Variants in MYO1D observed in about 807,000 individuals in gnomAD.
MYO1D encodes myosin ID.
MYO1D carries 83 observed loss-of-function variants against 122.0 expected under a neutral mutation model. That is an observed-to-expected ratio of 0.68 (90% CI 0.57 to 0.82). MYO1D has a LOEUF of 0.82. MYO1D is among the 40% of genes least tolerant of loss of function. The pLI, the probability that MYO1D is intolerant of heterozygous loss-of-function variation, is 0.00. For missense variants in MYO1D, 1,157 were observed against 1,269.5 expected, an observed-to-expected ratio of 0.91 and a Z score of 1.35; for synonymous variants, 464 against 446.9, an observed-to-expected ratio of 1.04 and a Z score of -0.48.
chr17:32,762,597 G>GGT, intron 8 of MYO1D, among the ~76,000 whole-genome samples: 1 of 152,144 alleles, frequency 6.6e-6, no homozygotes, highest in East Asian at 1.9e-4. Flanking sequence ...AAACTTGCCA[G>GGT]GTGCAGTGGC....
chr17:32,778,319 CA>C (rs1301911023), intron 3 of MYO1D, among the ~76,000 whole-genome samples, 160 bp downstream of exon 3: 3 of 152,110 alleles, frequency 2.0e-5, no homozygotes, highest in African/African-American at 7.2e-5. Flanking sequence ...AGTACAGAGA[CA>C]ATATGCACTT....
intron 16 of MYO1D, among the ~76,000 whole-genome samples, chr17:32,709,401 A>T (rs1020070202): frequency 6.6e-6 from 1 of 152,160 alleles, no homozygotes; most frequent in Non-Finnish European, 1.5e-5. Flanking sequence ...TACCAAAAAA[A>T]CCCTAAAAAC....
chr17:32,586,961 T>C (rs1372246783), intron 21 of MYO1D, among the ~76,000 whole-genome samples: 1 of 152,184 alleles, frequency 6.6e-6, no homozygotes, highest in Non-Finnish European at 1.5e-5. Flanking sequence ...TTGATGCTTG[T>C]TCTTCGTTTC....
intron 1 of MYO1D, among the ~76,000 whole-genome samples, chr17:32,859,483 A>G (rs2091052457): frequency 6.6e-6 from 1 of 152,116 alleles, no homozygotes; most frequent in African/African-American, 2.4e-5. Flanking sequence ...TTCCCCTGGG[A>G]TGGATGCCTA....
Position 32,822,079 on chromosome 17 carries a change from G to A in MYO1D, c.96-41295C>T, listed in dbSNP as rs187963919. On this transcript the variant is annotated intron_variant, in intron 1 of 21. Transcript: ENST00000318217. ...GCTATAAAGACACATGCACACATAT[G>A]TTTATTGTGGCACTATTCACAATAG... 1.1e-3 allele frequency among the ~76,000 whole-genome samples: 164 copies of A among 152,270 alleles called. 2 individuals carry two copies. The highest frequency in any genetic ancestry group is 2.6e-3 in the Admixed American group (40 of 15,296).
intron 20 of MYO1D, among the ~76,000 whole-genome samples, chr17:32,631,734 A>G (rs977657387): frequency 1.3e-4 from 20 of 152,162 alleles, no homozygotes; most frequent in Non-Finnish European, 1.5e-5. Context: ...TTAATATTTT[A>G]GATATGAAAA....
chr17:32,597,911 C>T (rs2087517144), intron 21 of MYO1D, among the ~76,000 whole-genome samples: 1 of 146,744 alleles, frequency 6.8e-6, no homozygotes, highest in Non-Finnish European at 1.5e-5. Context: ...GTTTCAACTT[C>T]TTTACACAAA....
chr17:32,520,603 G>C (rs1910100335), intron 21 of MYO1D, among the ~76,000 whole-genome samples: 1 of 152,234 alleles, frequency 6.6e-6, no homozygotes, highest in African/African-American at 2.4e-5. Context: ...TGGGCTGGCA[G>C]GGAGCTGCCT....
intron 1 of MYO1D, among the ~76,000 whole-genome samples, chr17:32,850,798 A>T (rs185405876): frequency 6.6e-6 from 1 of 152,200 alleles, no homozygotes. Context: ...ATGGAGTCTT[A>T]TCAAGGCTTG....
In MYO1D at chr17:32,642,538, C is replaced by T. The variant is rs527298597; in HGVS notation, c.2596-3703G>A. Among the ~76,000 whole-genome samples, 449 of 152,248 alleles carry T rather than the reference C, an allele frequency of 2.9e-3. 3 individuals are homozygous for T. Among genetic ancestry groups the T allele is most frequent in the African/African-American group, 0.01 (419 of 41,540 alleles). On this transcript the variant is annotated intron_variant, in intron 19 of 21. Coordinates refer to ENST00000318217, the MANE Select transcript of MYO1D (RefSeq NM_015194.3). ...ACCTTGGGCAGTATGGCCATTTTCA[C>T]GATATTGATTCTTCCTATCCATGAG...
chr17:32,776,023 C>T lies in MYO1D; in HGVS notation c.405G>A (p.Lys135=). 6.2e-7 allele frequency: 1 copy of T among 1,613,414 alleles called. No individual in the cohort carries two copies. The highest frequency in any genetic ancestry group is 1.7e-5 in the Admixed American group (1 of 59,910). Residue 135 remains lysine, a synonymous_variant, in exon 4 of 22, where the codon AAG becomes AAA. Coordinates refer to ENST00000318217, the MANE Select transcript of MYO1D (RefSeq NM_015194.3). ...PSQRAEVERV[K]NMLLKSNCVL... ...CACAGTTGGACTTAAGCAACATATT[C>T]TTCACTCTTTAACACAGATAAATGA...
intron 17 of MYO1D, among the ~76,000 whole-genome samples, chr17:32,658,175 A>T (rs1031039328): frequency 2.6e-5 from 4 of 152,178 alleles, no homozygotes; most frequent in Admixed American, 1.3e-4. Flanking sequence ...TATATTAAAG[A>T]GTTTTCTTCC....
At chr17:32,656,165 CAG>C (rs781339170) in intron 17 of MYO1D, among the ~76,000 whole-genome samples, 6 of 152,300 alleles carry the variant, frequency 3.9e-5, no homozygotes, top group Admixed American at 6.5e-5. Flanking sequence ...TGGAAGCAAA[CAG>C]AGAACTTCCT....
At chr17:32,521,617 T>C (rs1910141550) in intron 21 of MYO1D, among the ~76,000 whole-genome samples, 1 of 152,180 alleles carries the variant, frequency 6.6e-6, no homozygotes, top group African/African-American at 2.4e-5. Flanking sequence ...GAGTACTTCT[T>C]GGTCCATAGA....
chr17:32,669,883 C>T (rs2088686537), intron 16 of MYO1D, among the ~76,000 whole-genome samples: 1 of 151,130 alleles, frequency 6.6e-6, no homozygotes, highest in Non-Finnish European at 1.5e-5. Context: ...TCAGGAAAGA[C>T]ATTTTCTTTT....
At chr17:32,673,886 C>T (rs1287156187) in intron 16 of MYO1D, among the ~76,000 whole-genome samples, 3 of 152,142 alleles carry the variant, frequency 2.0e-5, no homozygotes, top group African/African-American at 7.2e-5. Context: ...TGTATCTTTA[C>T]AAAATACTGG....
chr17:32,543,533 G>GCA (rs1910916504), intron 21 of MYO1D, among the ~76,000 whole-genome samples: 3 of 151,522 alleles, frequency 2.0e-5, no homozygotes, highest in African/African-American at 7.3e-5. Context: ...CCGAGATCAT[G>GCA]CCACTGCACT....
intron 13 of MYO1D, among the ~76,000 whole-genome samples, chr17:32,741,382 C>CAA (rs920766155): frequency 1.5e-5 from 2 of 137,788 alleles, no homozygotes; most frequent in Admixed American, 7.3e-5. Context: ...TGGTTTTATC[C>CAA]AAAAAAAAAA....
intron 1 of MYO1D, among the ~76,000 whole-genome samples, chr17:32,825,093 A>G (rs532875981): frequency 2.6e-5 from 4 of 152,340 alleles, no homozygotes; most frequent in East Asian, 3.9e-4. Flanking sequence ...GAATAGCAGC[A>G]TATCTTTGTT....
Sources: gnomAD v4.1 joint callset for allele counts (sites outside exome capture counted in the v4.1 genomes callset) on GRCh38, gnomAD v4.1.1 for gene constraint, MANE v1.5 for transcripts, NCBI Gene and HGNC (gene_info 2026-07-23, HGNC 2026-07-21) for gene names.